Variants in BCAS3 observed in about 807,000 individuals in gnomAD.
BCAS3 encodes the protein BCAS4/BCAS3 fusion.
BCAS3 carries 53 observed loss-of-function variants against 116.1 expected under a neutral mutation model. The observed-to-expected ratio is 0.46, with a 90% CI of 0.37 to 0.57. BCAS3 has a LOEUF of 0.57. Among genes scored for constraint, BCAS3 ranks in the 20% least tolerant of loss-of-function variants. The pLI, the probability that BCAS3 is intolerant of heterozygous loss-of-function variation, is 0.00. For synonymous variants in BCAS3, 391 were observed against 408.2 expected (o/e 0.96, Z 0.51); for missense variants, 917 against 1,165.4 (o/e 0.79, Z 3.10).
At chr17:60,698,758 T>C (rs1001820861) in intron 4 of BCAS3, among the ~76,000 whole-genome samples, 33 of 151,770 alleles carry the variant, frequency 2.2e-4, no homozygotes, top group African/African-American at 8.0e-4. Context: ...TCTCTGCATA[T>C]AAAAAAGGAT....
chr17:60,865,180 A>G (rs1420477631), intron 7 of BCAS3, among the ~76,000 whole-genome samples: 1 of 152,136 alleles, frequency 6.6e-6, no homozygotes, highest in Non-Finnish European at 1.5e-5. Context: ...CAGGTTTCCC[A>G]CAAACCTTCA....
chr17:60,824,894 A>G (rs1334652755), intron 7 of BCAS3, among the ~76,000 whole-genome samples: 1 of 152,154 alleles, frequency 6.6e-6, no homozygotes, highest in Non-Finnish European at 1.5e-5. Context: ...GGCTGGGCGC[A>G]GTGGCTCTTG....
intron 15 of BCAS3, among the ~76,000 whole-genome samples, chr17:61,005,277 A>T (rs1294961315): frequency 6.6e-6 from 1 of 151,516 alleles, no homozygotes; most frequent in African/African-American, 2.4e-5. Context: ...GCTTAGTTTG[A>T]TTTTTTTCTT....
chr17:60,701,430 A>T (rs1444550171), intron 4 of BCAS3, among the ~76,000 whole-genome samples: 1 of 152,198 alleles, frequency 6.6e-6, no homozygotes, highest in Non-Finnish European at 1.5e-5. Context: ...CCAAAAAAAT[A>T]GAATATAGTT....
At chr17:60,751,313 G>T (rs1002942943) in intron 6 of BCAS3, among the ~76,000 whole-genome samples, 14 of 151,372 alleles carry the variant, frequency 9.2e-5, no homozygotes, top group Non-Finnish European at 1.8e-4. Context: ...CTAATTAATT[G>T]GTATTATCTC....
At chr17:60,808,166 C>T in intron 7 of BCAS3, 90 bp downstream of exon 7, 1 of 870,428 alleles carries the variant, frequency 1.1e-6, no homozygotes. Context: ...ACCTTTGTAA[C>T]CATAAGACTA....
intron 22 of BCAS3, among the ~76,000 whole-genome samples, chr17:61,321,338 A>T (rs897096577): frequency 2.0e-5 from 3 of 152,068 alleles, no homozygotes; most frequent in African/African-American, 7.2e-5. Flanking sequence ...TGACTGAGAG[A>T]CTCGCATTCC....
intron 5 of BCAS3, among the ~76,000 whole-genome samples, chr17:60,710,942 A>G (rs962490643): frequency 6.6e-6 from 1 of 151,570 alleles, no homozygotes; most frequent in Non-Finnish European, 1.5e-5. Flanking sequence ...AGCTGGGACT[A>G]CAGGCACGTG....
Position 61,261,404 on chromosome 17 carries a change from T to C in BCAS3, c.2426-106923T>C, listed in dbSNP as rs1474678874. Among the ~76,000 whole-genome samples the C allele has an allele frequency of 6.6e-6, 1 of 152,240 alleles. No individual in the cohort carries two copies. The highest frequency in any genetic ancestry group is 1.5e-5 in the Non-Finnish European group (1 of 68,038). ...TTATAAGTCAGCCTTGCTTGATTAC[T>C]CCTTTTAATTCAAGGCTCAAAACAG... On this transcript the variant is annotated intron_variant, in intron 22 of 23. Transcript: ENST00000407086. This position sits in a 1 kb window ranked among gnomAD's most constrained non-coding sequence, Gnocchi z 4.4.
intron 22 of BCAS3, among the ~76,000 whole-genome samples, chr17:61,183,166 C>T (rs1366201840): frequency 1.3e-5 from 2 of 152,070 alleles, no homozygotes; most frequent in East Asian, 1.9e-4. Context: ...TGAAGAAACT[C>T]CCCTTCATTT....
At chr17:60,799,627 C>G (rs1264818492) in intron 6 of BCAS3, among the ~76,000 whole-genome samples, 1 of 141,930 alleles carries the variant, frequency 7.0e-6, no homozygotes, top group Non-Finnish European at 1.5e-5. Flanking sequence ...CTCCTGGAGT[C>G]AAGCAATTCT....
chr17:61,258,820 A>G lies in BCAS3; in HGVS notation c.2426-109507A>G, dbSNP rs577178716. The stretch of plus-strand genomic sequence containing the variant: ...AACACTAGCTAAATATTGACAACTG[A>G]CTATGCCGTCTTATTCCAGCATATG... On this transcript the variant is annotated intron_variant, in intron 22 of 23. Transcript: ENST00000407086. The surrounding 1 kb of genome is among the most constrained non-coding windows in gnomAD (Gnocchi z 4.7). Among the ~76,000 whole-genome samples, 1 of 152,338 alleles carries G rather than the reference A, an allele frequency of 6.6e-6. No individual in the cohort carries two copies. The highest frequency in any genetic ancestry group is 6.5e-5 in the Admixed American group (1 of 15,308).
intron 7 of BCAS3, among the ~76,000 whole-genome samples, chr17:60,854,548 ACT>A (rs757501174): frequency 6.6e-6 from 1 of 152,184 alleles, no homozygotes; most frequent in African/African-American, 2.4e-5. Flanking sequence ...ATGAACAGAC[ACT>A]TCTCAAAAGA....
At position 61,124,883 on chromosome 17, in the gene BCAS3, A is replaced by G. The variant is rs1026608352; in HGVS notation, c.2425+40319A>G. 6.6e-6 allele frequency among the ~76,000 whole-genome samples: 1 copy of G among 152,148 alleles called. No individual in the cohort carries two copies. On this transcript the variant is annotated intron_variant, in intron 22 of 23. Transcript: ENST00000407086. The surrounding 1 kb of genome is among the most constrained non-coding windows in gnomAD (Gnocchi z 4.6). ...CTTTGTTTATTCATTTAGTAGGCAG[A>G]TTAACCCTAATGAATATTGGCTTCC...
At chr17:61,197,020 T>G (rs1483691068) in intron 22 of BCAS3, among the ~76,000 whole-genome samples, 2 of 152,242 alleles carry the variant, frequency 1.3e-5, no homozygotes, top group Non-Finnish European at 2.9e-5. Context: ...GTAATTTGAT[T>G]TACTTCATAA....
chr17:61,097,804 T>G lies in BCAS3; in HGVS notation c.2425+13240T>G, dbSNP rs780029152. On this transcript the variant is annotated intron_variant, in intron 22 of 23. Transcript: ENST00000407086. The surrounding 1 kb of genome is among the most constrained non-coding windows in gnomAD (Gnocchi z 4.0). ...CTTAGGACACCTAGCTCCTGATACT[T>G]AAAATTACTTAAAGTGCATTATGGT... Among the ~76,000 whole-genome samples the G allele has an allele frequency of 5.3e-5, 8 of 152,194 alleles. No individual in the cohort carries two copies. The highest frequency in any genetic ancestry group is 1.2e-4 in the Non-Finnish European group (8 of 68,042).
At chr17:60,808,313 C>T (rs1207886098) in intron 7 of BCAS3, among the ~76,000 whole-genome samples, 5 of 152,058 alleles carry the variant, frequency 3.3e-5, no homozygotes, top group Non-Finnish European at 7.4e-5. Context: ...TATTTATTAC[C>T]ACAATACTGT....
intron 4 of BCAS3, 140 bp downstream of exon 4, chr17:60,689,901 C>G (rs1306327430): frequency 3.3e-6 from 2 of 599,430 alleles, no homozygotes; most frequent in Non-Finnish European, 5.8e-6. Context: ...GGTAGCATAA[C>G]CGCAGTACAG....
intron 13 of BCAS3, among the ~76,000 whole-genome samples, chr17:60,935,185 T>C (rs918024117): frequency 6.6e-6 from 1 of 152,084 alleles, no homozygotes; most frequent in Non-Finnish European, 1.5e-5. Context: ...AAAAATCTGA[T>C]TAATTCTTCC....
Sources: allele counts gnomAD v4.1 joint callset (sites outside exome capture counted in the v4.1 genomes callset), GRCh38; gene constraint gnomAD v4.1.1; non-coding constraint Gnocchi (gnomAD v3.1); transcripts MANE v1.5; gene names NCBI Gene and HGNC (gene_info 2026-07-23, HGNC 2026-07-21).